Variants in CD99L2 observed in about 807,000 individuals in gnomAD.
CD99L2 encodes the protein CD99 antigen-like protein 2.
In CD99L2, 24 loss-of-function variants were observed where a neutral mutation model predicts 27.3. The ratio of observed to expected loss-of-function variants is 0.88; its 90% confidence interval spans 0.64 to 1.24. CD99L2 has a LOEUF of 1.24. Among genes scored for constraint, CD99L2 ranks in the 50% most tolerant of loss-of-function variants. The pLI, the probability that CD99L2 is intolerant of heterozygous loss-of-function variation, is 0.00. For synonymous variants in CD99L2, 97 were observed against 87.9 expected (o/e 1.10, Z -0.58); for missense variants, 255 against 221.6 (o/e 1.15, Z -0.96).
chrX:150,836,150 T>C (rs939796183), intron 1 of CD99L2, among the ~76,000 whole-genome samples: 2 of 111,350 alleles, frequency 1.8e-5, no homozygotes, highest in Admixed American at 9.5e-5. Flanking sequence ...TAAGGGTGTA[T>C]AGCTTATCAG....
intron 2 of CD99L2, chrX:150,818,822 C>T (rs1247283944): frequency 2.8e-6 from 1 of 362,099 alleles, no homozygotes; most frequent in Non-Finnish European, 5.5e-6. Flanking sequence ...CTCCTTCAAA[C>T]TGTTTGCAGA....
intron 1 of CD99L2, among the ~76,000 whole-genome samples, chrX:150,838,584 G>C (rs1210822489): frequency 9.3e-6 from 1 of 106,992 alleles, no homozygotes; most frequent in Non-Finnish European, 1.9e-5. Flanking sequence ...AAGAGATCCA[G>C]GATATATAAC....
intron 1 of CD99L2, among the ~76,000 whole-genome samples, chrX:150,832,710 T>C (rs2046461648): frequency 9.0e-6 from 1 of 110,823 alleles, no homozygotes; most frequent in Admixed American, 9.6e-5. Context: ...GAAGGTAAAT[T>C]GTCTCTCTTT....
chrX:150,874,397 G>A (rs1557422258), intron 1 of CD99L2, among the ~76,000 whole-genome samples: 1 of 111,515 alleles, frequency 9.0e-6, no homozygotes, highest in Non-Finnish European at 1.9e-5. Context: ...TGGGAGAGTG[G>A]GAACAGAGTG....
intron 1 of CD99L2, among the ~76,000 whole-genome samples, chrX:150,837,252 A>ATT (rs1169617487): frequency 9.7e-6 from 1 of 103,141 alleles, no homozygotes. Context: ...AAGTATTATT[A>ATT]TTTTTTTTTT....
chrX:150,875,379 C>T (rs189877019), intron 1 of CD99L2, among the ~76,000 whole-genome samples: 3 of 111,978 alleles, frequency 2.7e-5, no homozygotes, highest in East Asian at 2.8e-4. Flanking sequence ...CTCATTTGTG[C>T]GTGTTCATTA....
At chrX:150,878,312 T>G (rs1233314965) in intron 1 of CD99L2, among the ~76,000 whole-genome samples, 2 of 106,083 alleles carry the variant, frequency 1.9e-5, no homozygotes, top group South Asian at 4.2e-4. Flanking sequence ...CACTCCAGCC[T>G]GGGCAACAAG....
chrX:150,857,566 G>T (rs1224424978), intron 1 of CD99L2, among the ~76,000 whole-genome samples: 1 of 111,833 alleles, frequency 8.9e-6, no homozygotes, highest in Non-Finnish European at 1.9e-5. Context: ...AAAGCAGAGG[G>T]TATTCATCGA....
At chrX:150,854,477 T>C (rs2046840011) in intron 1 of CD99L2, among the ~76,000 whole-genome samples, 1 of 111,620 alleles carries the variant, frequency 9.0e-6, no homozygotes, top group Non-Finnish European at 1.9e-5. Flanking sequence ...ATGGGCTGAA[T>C]TGTGCCCCCT....
At chrX:150,811,677 C>T (rs781936080) in intron 4 of CD99L2, among the ~76,000 whole-genome samples, 141 of 111,527 alleles carry the variant, frequency 1.3e-3, no homozygotes, top group African/African-American at 4.1e-3. Flanking sequence ...CCAAGTGCAA[C>T]AAAAACAGTT....
intron 1 of CD99L2, among the ~76,000 whole-genome samples, chrX:150,889,964 A>G (rs1487350559): frequency 2.8e-5 from 3 of 108,370 alleles, no homozygotes; most frequent in Admixed American, 2.0e-4. Flanking sequence ...CATCCTGGCT[A>G]ACACGGTGAA....
intron 1 of CD99L2, among the ~76,000 whole-genome samples, chrX:150,834,903 A>T (rs932768300): frequency 3.6e-5 from 4 of 112,611 alleles, no homozygotes; most frequent in African/African-American, 1.3e-4. Context: ...AGTACTATAC[A>T]TCCTTTAAAA....
At chrX:150,827,155 T>C (rs1237939376) in intron 2 of CD99L2, among the ~76,000 whole-genome samples, 1 of 110,776 alleles carries the variant, frequency 9.0e-6, no homozygotes, top group Non-Finnish European at 1.9e-5. Context: ...TACGATACAA[T>C]CTCTGGCCTA....
chrX:150,873,450 C>A (rs782695992), intron 1 of CD99L2, among the ~76,000 whole-genome samples: 9 of 112,063 alleles, frequency 8.0e-5, no homozygotes, highest in Non-Finnish European at 1.5e-4. Context: ...GATACAGGGT[C>A]TCTTTTTGCA....
At chrX:150,776,984 G>A (rs1427801434) in intron 8 of CD99L2, 2 of 156,679 alleles carry the variant, frequency 1.3e-5, no homozygotes, top group South Asian at 3.2e-4. Flanking sequence ...CCAGGTCATA[G>A]GGAGATAAGA....
Position 150,828,753 on chromosome X carries a change from G to A in CD99L2, c.130+2478C>T, listed in dbSNP as rs782605322. 24 of 111,319 alleles carry A rather than the reference G, an allele frequency of 2.2e-4. No individual in the cohort carries two copies. The East Asian group carries it at 6.2e-3, about 29-fold the overall frequency. 9.2% of individuals were successfully genotyped at this position (111,319 alleles called of 1,213,427 possible). A position where few individuals can be genotyped will look rare whatever the true frequency, so the allele number is the denominator to read the frequency against. ...TTTATTGATAAAATTCAGTGTTGGC[G>A]TGGGTCTGGGAAAACAGGTACTATT... On this transcript the variant is annotated intron_variant, in intron 2 of 10. Transcript: ENST00000370377.
chrX:150,785,197 C>T (rs1378214483), intron 7 of CD99L2, among the ~76,000 whole-genome samples: 1 of 110,275 alleles, frequency 9.1e-6, no homozygotes, highest in Non-Finnish European at 1.9e-5. Flanking sequence ...TTGAACTTAT[C>T]TCGTAAGCAG....
chrX:150,789,124 CTTTTTTTT>C lies in CD99L2; in HGVS notation c.496+4559_496+4566del, dbSNP rs35495241. Among the ~76,000 whole-genome samples, 9 of 55,788 alleles carry C rather than the reference CTTTTTTTT, an allele frequency of 1.6e-4. No homozygotes were observed. The South Asian group carries it at 9.0e-3, about 56-fold the overall frequency. The allele number at this position is 55,788 out of a possible 115,157, so 48.4% of individuals were successfully genotyped here. Reference sequence around the variant, plus strand: ...GTTGACTTTTATGAATTCTTTTTTTCTTTTTTTTTTTTTTTTGAGACAGAGTCTTGCTC... The same window carrying C: ...GTTGACTTTTATGAATTCTTTTTTTCTTTTTTTTGAGACAGAGTCTTGCTC... On this transcript the variant is annotated intron_variant, in intron 7 of 10. Coordinates refer to ENST00000370377, the MANE Select transcript of CD99L2 (RefSeq NM_031462.4).
intron 1 of CD99L2, among the ~76,000 whole-genome samples, chrX:150,873,809 C>T (rs2047192062): frequency 9.0e-6 from 1 of 111,571 alleles, no homozygotes; most frequent in African/African-American, 3.3e-5. Context: ...TATAAATACA[C>T]CTGGCCTCCA....
Sources: allele counts gnomAD v4.1 joint callset (sites outside exome capture counted in the v4.1 genomes callset), GRCh38; gene constraint gnomAD v4.1.1; transcripts MANE v1.5; gene names NCBI Gene and HGNC (gene_info 2026-07-23, HGNC 2026-07-21).